Variants in KAT2B observed in about 807,000 individuals in gnomAD.
The protein encoded by KAT2B is lysine acetyltransferase 2B, also known as histone acetyltransferase KAT2B.
KAT2B carries 36 observed loss-of-function variants against 105.9 expected under a neutral mutation model. That is an observed-to-expected ratio of 0.34 (90% CI 0.26 to 0.45). The LOEUF (loss-of-function observed/expected upper bound fraction) is 0.45, where lower values mean the gene tolerates loss of function less well. Among genes scored for constraint, KAT2B ranks in the 20% least tolerant of loss-of-function variants. KAT2B has a pLI of 1.00. For synonymous variants in KAT2B, 397 were observed against 377.9 expected, an observed-to-expected ratio of 1.05 and a Z score of -0.59; for missense variants, 820 against 1,021.6, an observed-to-expected ratio of 0.80 and a Z score of 2.69.
intron 1 of KAT2B, among the ~76,000 whole-genome samples, chr3:20,068,019 C>G (rs1413214241): frequency 1.3e-5 from 2 of 148,644 alleles, no homozygotes; most frequent in Non-Finnish European, 3.0e-5. Context: ...GTTTTTGAGG[C>G]AAGGTCTTAC....
chr3:20,129,601 C>A (rs1699473884), intron 11 of KAT2B, among the ~76,000 whole-genome samples: 1 of 152,074 alleles, frequency 6.6e-6, no homozygotes, highest in Non-Finnish European at 1.5e-5. Flanking sequence ...GTCCTGAACT[C>A]CTGACCTCAG....
chr3:20,049,651 A>G (rs558997786), intron 1 of KAT2B, among the ~76,000 whole-genome samples: 8 of 152,256 alleles, frequency 5.3e-5, no homozygotes, highest in African/African-American at 7.2e-5. Flanking sequence ...TTGTACTCCA[A>G]TTGAGAGGTA....
At chr3:20,070,345 CCCA>C (rs1319456355) in intron 1 of KAT2B, among the ~76,000 whole-genome samples, 1 of 146,092 alleles carries the variant, frequency 6.8e-6, no homozygotes, top group African/African-American at 2.6e-5. Context: ...TCGCTCTGTA[CCCA>C]GGCTGGAGTG....
At position 20,092,800 on chromosome 3, in the gene KAT2B, C is replaced by CA. The variant is rs368125825; in HGVS notation, c.431-2461dup. On this transcript the variant is annotated intron_variant, in intron 2 of 17. Transcript: ENST00000263754. ...CACTGCAATCTCCGCCTCCTGGGTT[C>CA]AAGCAATTCTCCTGCCTCAGCCTCC... Among the ~76,000 whole-genome samples, 246 of 152,182 alleles carry CA rather than the reference C, an allele frequency of 1.6e-3. 1 individual carries two copies. The highest frequency in any genetic ancestry group is 4.6e-3 in the African/African-American group (193 of 41,524).
chr3:20,049,844 C>T lies in KAT2B; in HGVS notation c.303+9064C>T, dbSNP rs118005386. 5.5e-4 allele frequency among the ~76,000 whole-genome samples: 83 copies of T among 152,216 alleles called. No homozygotes were observed. In the East Asian group the frequency reaches 0.014, roughly 25 times the overall value. ...CTGTTGAAGAAAGATGAAAGAGACA[C>T]CTACTCAGGCTATAGAAGGTGCCAA... is the stretch of plus-strand genomic sequence containing the variant. On this transcript the variant is annotated intron_variant, in intron 1 of 17. Transcript: ENST00000263754.
intron 13 of KAT2B, among the ~76,000 whole-genome samples, chr3:20,144,276 C>CTTTTTTTTT (rs761735374): frequency 2.2e-5 from 2 of 89,394 alleles, no homozygotes; most frequent in Non-Finnish European, 4.4e-5. Flanking sequence ...CCTTGGGATT[C>CTTTTTTTTT]TTTTTTTTTT....
At chr3:20,080,856 T>C (rs1441371471) in intron 2 of KAT2B, among the ~76,000 whole-genome samples, 1 of 152,232 alleles carries the variant, frequency 6.6e-6, no homozygotes, top group Admixed American at 6.5e-5. Context: ...TTGGTATATA[T>C]TAGGTTAAAT....
At chr3:20,065,831 C>G (rs1345705741) in intron 1 of KAT2B, among the ~76,000 whole-genome samples, 1 of 152,122 alleles carries the variant, frequency 6.6e-6, no homozygotes, top group Non-Finnish European at 1.5e-5. Context: ...CTGTTAGGGT[C>G]CATAGTGAAG....
intron 1 of KAT2B, among the ~76,000 whole-genome samples, chr3:20,066,355 A>G (rs982091160): frequency 3.3e-5 from 5 of 152,060 alleles, no homozygotes; most frequent in African/African-American, 4.8e-5. Flanking sequence ...CAATGAACCT[A>G]TTTCCAAATA....
chr3:20,116,980 T>C (rs1301872998), intron 7 of KAT2B, among the ~76,000 whole-genome samples: 1 of 152,182 alleles, frequency 6.6e-6, no homozygotes, highest in Non-Finnish European at 1.5e-5. Context: ...CATACACTTG[T>C]GGAAGGAATG....
chr3:20,040,712 A>G lies in KAT2B; in HGVS notation c.235A>G (p.Lys79Glu). 1.3e-6 allele frequency: 2 copies of G among 1,591,080 alleles called. No individual in the cohort carries two copies. Among genetic ancestry groups the G allele is most frequent in the Non-Finnish European group, 8.5e-7 (1 of 1,172,092 alleles). Residue 79 changes from lysine to glutamate, a missense_variant, in exon 1 of 18, where the codon AAA (lysine) becomes GAA (glutamate). Lys to Glu is a moderately conservative substitution (Grantham distance 56). This residue lies in a region of KAT2B where 190 missense variants were observed against 176.7 expected (regional missense o/e 1.08). Coordinates refer to ENST00000263754, the MANE Select transcript of KAT2B (RefSeq NM_003884.5). ...TGGCTCGGCCCGAATCGCCGTGAAG[A>G]AAGCGCAACTACGCTCCGCTCCGCG... ...GGGSARIAVK[K>E]AQLRSAPRAK...
At chr3:20,131,530 A>C (rs1360868824) in intron 11 of KAT2B, among the ~76,000 whole-genome samples, 1 of 152,132 alleles carries the variant, frequency 6.6e-6, no homozygotes, top group African/African-American at 2.4e-5. Context: ...TATATTACTG[A>C]AGACAGCAAA....
chr3:20,108,084 A>G (rs1017927560), intron 5 of KAT2B, among the ~76,000 whole-genome samples: 2 of 152,108 alleles, frequency 1.3e-5, no homozygotes, highest in Admixed American at 6.5e-5. Flanking sequence ...TCCTGGGATT[A>G]CAGGTGTGAG....
chr3:20,106,438 T>TACACAC (rs10554524), intron 5 of KAT2B, among the ~76,000 whole-genome samples: 7,061 of 145,676 alleles, frequency 0.048, 176 homozygotes, highest in South Asian at 0.076. Context: ...ACACCAGAAG[T>TACACAC]ACACACACAC....
At chr3:20,099,193 T>G (rs1035934097) in intron 3 of KAT2B, among the ~76,000 whole-genome samples, 3 of 152,218 alleles carry the variant, frequency 2.0e-5, no homozygotes, top group African/African-American at 7.2e-5. Flanking sequence ...GAGCAGTGTT[T>G]TTGTTTTGTG....
intron 2 of KAT2B, among the ~76,000 whole-genome samples, chr3:20,086,794 ATTT>A (rs11308672): frequency 2.3e-5 from 3 of 129,948 alleles, no homozygotes; most frequent in African/African-American, 2.7e-5. Flanking sequence ...AAACAAATAG[ATTT>A]TTTTTTTTTT....
intron 2 of KAT2B, among the ~76,000 whole-genome samples, chr3:20,087,024 C>T (rs1231279469): frequency 6.6e-6 from 1 of 152,164 alleles, no homozygotes; most frequent in African/African-American, 2.4e-5. Context: ...TCGTGATCCA[C>T]CTGCCTTGGC....
rs1355897113 is a variant in KAT2B, at chr3:20,148,494, C to T, written c.2305+7C>T. ...GTTATAAGGTTCCCCATGGGTAATACCATTAACATTTTCTAAGTATAGATT... is the reference window on the plus strand; with the variant it reads ...GTTATAAGGTTCCCCATGGGTAATATCATTAACATTTTCTAAGTATAGATT... On this transcript the variant is annotated splice_region_variant and intron_variant, in intron 17 of 17. Coordinates refer to ENST00000263754, the MANE Select transcript of KAT2B (RefSeq NM_003884.5). 1.9e-6 allele frequency: 3 copies of T among 1,552,960 alleles called. No individual in the cohort carries two copies. The highest frequency in any genetic ancestry group is 1.2e-5 in the South Asian group (1 of 83,736).
At chr3:20,070,461 C>T (rs950281175) in intron 1 of KAT2B, among the ~76,000 whole-genome samples, 5 of 151,374 alleles carry the variant, frequency 3.3e-5, no homozygotes, top group African/African-American at 1.2e-4. Flanking sequence ...CCTGCCACCA[C>T]GCCCGGCTAA....
Sources: allele counts gnomAD v4.1 joint callset (sites outside exome capture counted in the v4.1 genomes callset), GRCh38; gene constraint gnomAD v4.1.1; regional missense constraint gnomAD v4.1.1; transcripts MANE v1.5; gene names NCBI Gene and HGNC (gene_info 2026-07-23, HGNC 2026-07-21).